Variants in HK1 observed in about 807,000 individuals in gnomAD.
HK1 encodes hexokinase-1.
HK1 carries 28 observed loss-of-function variants against 91.6 expected under a neutral mutation model. The ratio of observed to expected loss-of-function variants is 0.31; its 90% CI spans 0.23 to 0.42. HK1 has a LOEUF of 0.42. Ranked by LOEUF, HK1 falls within the 10% of genes least tolerant of loss-of-function variation. The pLI, the probability that HK1 is intolerant of heterozygous loss-of-function variation, is 1.00. For missense variants in HK1, 770 were observed against 1,219.8 expected, an observed-to-expected ratio of 0.63 and a Z score of 5.49; for synonymous variants, 430 against 468.1, an observed-to-expected ratio of 0.92 and a Z score of 1.05.
In HK1 at chr10:69,276,090, CAAAAAAA is replaced by C. The variant is rs60324656; in HGVS notation, c.-391+6005_-391+6011del. Among the ~76,000 whole-genome samples, 102 of 15,930 alleles carry C rather than the reference CAAAAAAA, an allele frequency of 6.4e-3. 1 individual carries two copies. Among genetic ancestry groups the C allele is most frequent in the African/African-American group, 0.015 (68 of 4,684 alleles). The allele number at this position is 15,930 out of a possible 152,430, so 10.5% of individuals were successfully genotyped here. ...GGGCAGCAAGAGCAAAACTCCTTTT[CAAAAAAA>C]AAAAAAAAAAAAAAAAAAAAAATAC... On this transcript the variant is annotated intron_variant, in intron 1 of 21. Coordinates refer to the HK1 transcript ENST00000360289.
Position 69,357,651 on chromosome 10 carries a change from C to T in HK1, c.227-2246C>T, listed in dbSNP as rs138143782. Among the ~76,000 whole-genome samples, 742 of 152,172 alleles carry T rather than the reference C, an allele frequency of 4.9e-3. 7 individuals are homozygous for T. Among genetic ancestry groups the T allele is most frequent in the African/African-American group, 0.017 (699 of 41,522 alleles). On this transcript the variant is annotated intron_variant, in intron 2 of 17. Transcript: ENST00000359426. Reference sequence around the variant, plus strand: ...TGTTTTTGGTAGAGACAGGGGCTCGCCATGTTGCCCAGGTTGGTCTCAAAC... The same window carrying T: ...TGTTTTTGGTAGAGACAGGGGCTCGTCATGTTGCCCAGGTTGGTCTCAAAC...
At chr10:69,314,187 T>C (rs2135589), upstream of HK1, among the ~76,000 whole-genome samples, 157 of 152,274 alleles carry the variant, frequency 1.0e-3, 3 homozygotes, top group African/African-American at 3.5e-3. Context: ...GGATTATGGG[T>C]CAATTCATTT....
At chr10:69,382,826 G>C (rs373066071) in intron 10 of HK1, 35 bp downstream of exon 10, 3 of 1,599,324 alleles carry the variant, frequency 1.9e-6, no homozygotes, top group East Asian at 2.3e-5. Context: ...TGCCTGTCCT[G>C]CTCCTGCCAG....
At chr10:69,276,759 A>G (rs1844498499) in intron 1 of HK1, among the ~76,000 whole-genome samples, 1 of 149,812 alleles carries the variant, frequency 6.7e-6, no homozygotes, top group Non-Finnish European at 1.5e-5. Context: ...TCATTCAATC[A>G]TTTAATTAAT....
upstream of HK1, among the ~76,000 whole-genome samples, chr10:69,317,125 CAGGGCCTAGAAGGGTAGGAATGAAAGTG>C (rs1846688949): frequency 6.6e-6 from 1 of 152,202 alleles, no homozygotes. Flanking sequence ...TAGGCCCTCC[CAGGGCCTAGAAGGGTAGGAATGAAAGTG>C]AGAGTCCCTG....
intron 14 of HK1, among the ~76,000 whole-genome samples, chr10:69,391,337 T>A (rs1402206381): frequency 6.6e-6 from 1 of 152,232 alleles, no homozygotes; most frequent in Non-Finnish European, 1.5e-5. Context: ...CGACCAACCA[T>A]CCTTGTCGAG....
chr10:69,319,767 G>A (rs1021497879), intron 1 of HK1, among the ~76,000 whole-genome samples: 4 of 152,248 alleles, frequency 2.6e-5, no homozygotes, highest in African/African-American at 9.6e-5. Context: ...GTCCTGAGGT[G>A]TTGTTGCCTT....
chr10:69,299,263 C>T (rs1026479900), intron 4 of HK1, among the ~76,000 whole-genome samples: 2 of 151,906 alleles, frequency 1.3e-5, no homozygotes, highest in South Asian at 2.1e-4. Context: ...GCCTCCACCC[C>T]GTGGGCTCAA....
chr10:69,315,811 G>A (rs1230076321), upstream of HK1: 2 of 794,578 alleles, frequency 2.5e-6, no homozygotes, highest in Non-Finnish European at 4.5e-6. Context: ...GTTGGGGGTG[G>A]GATGGACAGA....
At chr10:69,350,555 G>C (rs574407502) in intron 2 of HK1, among the ~76,000 whole-genome samples, 2 of 152,054 alleles carry the variant, frequency 1.3e-5, no homozygotes, top group African/African-American at 4.8e-5. Flanking sequence ...CCAGCTACTC[G>C]GGAGGCTGAG....
rs753204633 is a variant in HK1, at chr10:69,276,138, T to TATATATATATATATATACAC, written c.-391+6031_-391+6032insTATATATATATATATACACA. On this transcript the variant is annotated intron_variant, in intron 1 of 21. Coordinates refer to the HK1 transcript ENST00000360289. Reference sequence around the variant, plus strand: ...AAAAAAATACATATATATATATATATACACATATATATATTCTATATTAAA... The same window carrying TATATATATATATATATACAC: ...AAAAAAATACATATATATATATATATATATATATATATATATACACACACATATATATATTCTATATTAAA... Among the ~76,000 whole-genome samples, 79 of 76,392 alleles carry TATATATATATATATATACAC rather than the reference T, an allele frequency of 1.0e-3. 1 individual carries two copies. The highest frequency in any genetic ancestry group is 9.8e-3 in the Middle Eastern group (1 of 102). 50.1% of individuals were successfully genotyped at this position (76,392 alleles called of 152,430 possible).
rs779001663 is a variant in HK1 at position 69,309,185 on chromosome 10, C to CT, written c.27+8338dup. On this transcript the variant is annotated intron_variant, in intron 5 of 21. Transcript: ENST00000360289. ...AAGACTTTGTCTCTTTTCTTTCTTTCTTTTTTTTTTTTTTGAGACAGAGTC... is the reference window on the plus strand; with the variant it reads ...AAGACTTTGTCTCTTTTCTTTCTTTCTTTTTTTTTTTTTTTGAGACAGAGTC... Among the ~76,000 whole-genome samples, 465 of 141,216 alleles carry CT rather than the reference C, an allele frequency of 3.3e-3. 1 individual carries two copies. Among genetic ancestry groups the CT allele is most frequent in the South Asian group, 0.02 (87 of 4,432 alleles). The allele number at this position is 141,216 out of a possible 152,430, so 92.6% of individuals were successfully genotyped here.
At chr10:69,275,249 G>A (rs540900643) in intron 1 of HK1, among the ~76,000 whole-genome samples, 2 of 149,876 alleles carry the variant, frequency 1.3e-5, no homozygotes, top group Admixed American at 6.7e-5. Context: ...GGCCGGGCAC[G>A]GTGGCTCACG....
At chr10:69,386,733 C>A (rs1420385117) in intron 13 of HK1, 3 of 304,386 alleles carry the variant, frequency 9.9e-6, no homozygotes, top group Admixed American at 4.5e-5. Context: ...GAGCTGAGAT[C>A]ACGCCACTGC....
At chr10:69,319,952 C>T (rs942949309) in intron 1 of HK1, among the ~76,000 whole-genome samples, 1 of 152,136 alleles carries the variant, frequency 6.6e-6, no homozygotes, top group Non-Finnish European at 1.5e-5. Context: ...AACGTGGTGA[C>T]GTTATTGCTG....
At chr10:69,297,533 T>C (rs10998704) in intron 4 of HK1, among the ~76,000 whole-genome samples, 27,467 of 152,114 alleles carry the variant, frequency 0.18, 2,603 homozygotes, top group Admixed American at 0.25. Flanking sequence ...GAGGAGGGGT[T>C]GATAGTGGCC....
chr10:69,276,156 A>G (rs1844459469), intron 1 of HK1, among the ~76,000 whole-genome samples: 1 of 132,068 alleles, frequency 7.6e-6, no homozygotes, highest in South Asian at 2.4e-4. Flanking sequence ...TATATATTCT[A>G]TATTAAATAA....
intron 16 of HK1, among the ~76,000 whole-genome samples, chr10:69,395,351 G>A (rs1396793611): frequency 1.3e-5 from 2 of 152,190 alleles, no homozygotes; most frequent in African/African-American, 4.8e-5. Flanking sequence ...GCCGAGGCAG[G>A]CGGATCATGA....
At chr10:69,304,573 G>C (rs1430652410) in intron 5 of HK1, among the ~76,000 whole-genome samples, 2 of 152,164 alleles carry the variant, frequency 1.3e-5, no homozygotes, top group Non-Finnish European at 2.9e-5. Flanking sequence ...CTCCCAAAGC[G>C]CTAGGATTAC....
Sources: gnomAD v4.1 joint callset for allele counts (sites outside exome capture counted in the v4.1 genomes callset) on GRCh38, gnomAD v4.1.1 for gene constraint, MANE v1.5 for transcripts, NCBI Gene and HGNC (gene_info 2026-07-23, HGNC 2026-07-21) for gene names.